Variants in ITGA7 observed in about 807,000 individuals in gnomAD.
The protein encoded by ITGA7 is integrin alpha-7.
Under a neutral mutation model 131.6 loss-of-function variants are expected in ITGA7, and 84 were observed. The observed-to-expected ratio is 0.64, with a 90% CI of 0.54 to 0.77. The LOEUF (loss-of-function observed/expected upper bound fraction) is 0.77, where lower values mean the gene tolerates loss of function less well. ITGA7 is among the 30% of genes least tolerant of loss of function. ITGA7 has a pLI of 0.00. For missense variants in ITGA7, 1,399 were observed against 1,482.9 expected, an observed-to-expected ratio of 0.94 and a Z score of 0.93; for synonymous variants, 548 against 600.7, an observed-to-expected ratio of 0.91 and a Z score of 1.28.
upstream of ITGA7, chr12:55,712,130 A>T: frequency 6.4e-7 from 1 of 1,551,476 alleles, no homozygotes; most frequent in Non-Finnish European, 8.7e-7. Flanking sequence ...GAACCATGGG[A>T]GTGGCTGGGA....
Position 55,688,743 on chromosome 12 carries a change from G to A in ITGA7, c.2958+101C>T, listed in dbSNP as rs1038043883. ...GTCTCAAAAAAAAAAAAAAGGGGGG[G>A]GATGCTGCATTTGGACAGTGAGGAA... On this transcript the variant is annotated intron_variant, in intron 22 of 24. Transcript: ENST00000257879. 10 of 889,514 alleles carry A rather than the reference G, an allele frequency of 1.1e-5. No individual in the cohort carries two copies. The Admixed American group carries it at 1.5e-4, about 13-fold the overall frequency. The allele number at this position is 889,514 out of a possible 1,614,324, so 55.1% of individuals were successfully genotyped here.
upstream of ITGA7, chr12:55,716,012 G>A (rs778881213): frequency 1.4e-5 from 22 of 1,519,394 alleles, no homozygotes; most frequent in Non-Finnish European, 1.8e-5. Context: ...GGTCTCAAGA[G>A]GGCGGTTCCC....
At position 55,703,187 on chromosome 12, in the gene ITGA7, T is replaced by A. The variant is rs778664097; in HGVS notation, c.207-9A>T. 1 of 1,607,998 alleles carries A rather than the reference T, an allele frequency of 6.2e-7. No homozygotes were observed. The highest frequency in any genetic ancestry group is 8.5e-7 in the Non-Finnish European group (1 of 1,179,932). ...GAGCACCCACCAGCAGCCTGCAAGA[T>A]GGGGCAGGGGCAGGGACAGGGACAG... On this transcript the variant is annotated splice_polypyrimidine_tract_variant and intron_variant, in intron 1 of 24. Transcript: ENST00000257879.
At chr12:55,705,787 T>C (rs887617651) in intron 1 of ITGA7, among the ~76,000 whole-genome samples, 2 of 152,178 alleles carry the variant, frequency 1.3e-5, no homozygotes, top group African/African-American at 2.4e-5. Flanking sequence ...CTTTTTACAG[T>C]TGAGGGAAGT....
At chr12:55,713,638 C>A (rs1037660883), upstream of ITGA7, among the ~76,000 whole-genome samples, 1 of 152,096 alleles carries the variant, frequency 6.6e-6, no homozygotes. Flanking sequence ...ATGATGAGTA[C>A]TAAGAAATGT....
At position 55,707,822 on chromosome 12, in the gene ITGA7, C is replaced by CCGG; in HGVS notation, c.-141_-140insCCG. On this transcript the variant is annotated 5_prime_UTR_variant, in exon 1 of 25. Coordinates refer to ENST00000257879, the MANE Select transcript of ITGA7 (RefSeq NM_002206.3). ...TCTCCCAGACGTTCGCCCCGCCAGC[C>CCGG]CTCCCGCCCGCCCGCCGCTCCGCCA... 1.4e-6 allele frequency: 2 copies of CCGG among 1,411,494 alleles called. No individual in the cohort carries two copies. Among genetic ancestry groups the CCGG allele is most frequent in the Non-Finnish European group, 1.9e-6 (2 of 1,057,384 alleles). 87.4% of individuals were successfully genotyped at this position (1,411,494 alleles called of 1,614,324 possible).
rs746823956 is a variant in ITGA7 at position 55,701,381 on chromosome 12, C to A, written c.415-227G>T. 120 of 1,551,984 alleles carry A rather than the reference C, an allele frequency of 7.7e-5. 1 individual carries two copies. Among genetic ancestry groups the A allele is most frequent in the Non-Finnish European group, 1.0e-4 (115 of 1,147,152 alleles). ...CCCAGCAACCTGTCTGCACCCACTT[C>A]CTTGCCCTCAAATGGAGATCTCCTT... On this transcript the variant is annotated intron_variant, in intron 3 of 24. Coordinates refer to ENST00000257879, the MANE Select transcript of ITGA7 (RefSeq NM_002206.3).
upstream of ITGA7, chr12:55,715,965 C>T (rs1414531995): frequency 7.0e-7 from 1 of 1,437,496 alleles, no homozygotes; most frequent in African/African-American, 1.4e-5. Flanking sequence ...CCCTCCGCAA[C>T]CCTCTACCTC....
At chr12:55,685,435 C>A in intron 24 of ITGA7, 147 bp from the exon 25 acceptor site, 1 of 756,388 alleles carries the variant, frequency 1.3e-6, no homozygotes, top group Non-Finnish European at 2.3e-6. Flanking sequence ...TGGTGGGCAG[C>A]ACCCACGGTG....
In ITGA7 at chr12:55,698,911, G is replaced by A. The variant is rs1873302831; in HGVS notation, c.797C>T (p.Ser266Phe). The change falls in exon 6 of 25, where the codon TCT becomes TTT. Residue 266 changes from serine to phenylalanine, a missense_variant. Coordinates refer to ENST00000257879, the MANE Select transcript of ITGA7 (RefSeq NM_002206.3). ...DLALNSYLGF[S>F]IDSGKGLVRA... Reference sequence around the variant, plus strand: ...CACCAGACCTTTCCCCGAGTCAATAGAGAAGCCTGGGGGAAGGGTGACTTA... The same window carrying A: ...CACCAGACCTTTCCCCGAGTCAATAAAGAAGCCTGGGGGAAGGGTGACTTA... 3 of 1,610,760 alleles carry A rather than the reference G, an allele frequency of 1.9e-6. No individual in the cohort carries two copies. Among genetic ancestry groups the A allele is most frequent in the Non-Finnish European group, 2.5e-6 (3 of 1,178,612 alleles).
chr12:55,700,961 G>A lies in ITGA7; in HGVS notation c.608C>T (p.Ala203Val). ...QFGFCQQGTA[A>V]AFSPDSHYLL... ...GTAGTGGCTATCAGGGGAGAAGGCG[G>A]CAGCTGTGCCCTGCTGGCAGAACCC... is the stretch of plus-strand genomic sequence containing the variant. The change falls in exon 4 of 25, where the codon GCC becomes GTC. Residue 203 changes from alanine (A) to valine (V), a missense_variant. Transcript: ENST00000257879. The A allele has an allele frequency of 1.2e-6, 2 of 1,614,232 alleles. No homozygotes were observed. Among genetic ancestry groups the A allele is most frequent in the Non-Finnish European group, 1.7e-6 (2 of 1,180,034 alleles).
Position 55,692,684 on chromosome 12 carries a change from C to G in ITGA7, c.2844+160G>C, listed in dbSNP as rs117032236. Reference sequence around the variant, plus strand: ...TGCAGGGGCTGAGCAGGAAGGGGGTCTGCAGTGTCAGTAGCTGCCTCCCGG... The same window carrying G: ...TGCAGGGGCTGAGCAGGAAGGGGGTGTGCAGTGTCAGTAGCTGCCTCCCGG... On this transcript the variant is annotated intron_variant, in intron 21 of 24. Transcript: ENST00000257879. Among the ~76,000 whole-genome samples the G allele has an allele frequency of 8.5e-4, 129 of 152,292 alleles. 3 individuals are homozygous for G. The highest frequency in any genetic ancestry group is 7.7e-3 in the East Asian group (40 of 5,176).
intron 11 of ITGA7, 35 bp downstream of exon 11, chr12:55,697,181 A>G: frequency 6.3e-7 from 1 of 1,579,082 alleles, no homozygotes; most frequent in African/African-American, 1.3e-5. Context: ...TGGGAAACCC[A>G]AAAGGGCGAG....
In ITGA7 at chr12:55,703,285, T is replaced by C. The variant is rs1033201892; in HGVS notation, c.207-107A>G. Reference sequence around the variant, plus strand: ...AACCCCTCAGTACTAAAGAGAGTGTTCAAGGACTAAAGAGAAGGGGCAAAT... The same window carrying C: ...AACCCCTCAGTACTAAAGAGAGTGTCCAAGGACTAAAGAGAAGGGGCAAAT... On this transcript the variant is annotated intron_variant, in intron 1 of 24. Transcript: ENST00000257879. The C allele has an allele frequency of 1.6e-5, 20 of 1,260,370 alleles. No homozygotes were observed. In the South Asian group the frequency reaches 2.3e-4, roughly 15 times the overall value. The allele number at this position is 1,260,370 out of a possible 1,614,324, so 78.1% of individuals were successfully genotyped here.
upstream of ITGA7, chr12:55,716,238 G>A (rs181005955): frequency 8.8e-5 from 138 of 1,570,200 alleles, no homozygotes; most frequent in African/African-American, 1.4e-3. Context: ...TTCGGCCGCG[G>A]CCTAGCTTCA....
intron 19 of ITGA7, 102 bp from the exon 20 acceptor site, chr12:55,693,419 C>G (rs1871927246): frequency 9.3e-7 from 1 of 1,073,136 alleles, no homozygotes; most frequent in Admixed American, 2.2e-5. Context: ...AGGCTTGTCT[C>G]TAACTCCTGG....
Position 55,698,927 on chromosome 12 carries a change from G to A in ITGA7, c.791-10C>T. 2 of 1,601,692 alleles carry A rather than the reference G, an allele frequency of 1.2e-6. No individual in the cohort carries two copies. Among genetic ancestry groups the A allele is most frequent in the Non-Finnish European group, 1.7e-6 (2 of 1,174,100 alleles). On this transcript the variant is annotated splice_polypyrimidine_tract_variant and intron_variant, in intron 5 of 24. Coordinates refer to ENST00000257879, the MANE Select transcript of ITGA7 (RefSeq NM_002206.3). ...GAGTCAATAGAGAAGCCTGGGGGAA[G>A]GGTGACTTACCCCTAAGTCTTCACC...
intron 24 of ITGA7, among the ~76,000 whole-genome samples, chr12:55,685,848 TGCACAC>T (rs1757486703): frequency 6.6e-6 from 1 of 152,194 alleles, no homozygotes; most frequent in African/African-American, 2.4e-5. Flanking sequence ...AATGTGCCCC[TGCACAC>T]TCACACTCAG....
At chr12:55,699,823 G>GAGGCTGGGCC (rs1873550091) in intron 5 of ITGA7, 47 bp downstream of exon 5, 1 of 1,573,772 alleles carries the variant, frequency 6.4e-7, no homozygotes, top group African/African-American at 1.3e-5. Context: ...GGAAGGAGGG[G>GAGGCTGGGCC]AGGCTGGGCC....
Sources: gnomAD v4.1 joint callset for allele counts (sites outside exome capture counted in the v4.1 genomes callset) on GRCh38, gnomAD v4.1.1 for gene constraint, MANE v1.5 for transcripts, NCBI Gene and HGNC (gene_info 2026-07-23, HGNC 2026-07-21) for gene names.